Variants in ABCA10 observed in about 807,000 individuals in gnomAD.
ABCA10 encodes the protein ATP binding cassette subfamily A member 10.
Under a neutral mutation model 187.5 loss-of-function variants are expected in ABCA10, and 169 were observed. That is an observed-to-expected ratio of 0.90 (90% CI 0.80 to 1.02). ABCA10 has a LOEUF of 1.02. Ranked by LOEUF, ABCA10 falls within the 50% of genes least tolerant of loss-of-function variation. The pLI is 0.00. For synonymous variants in ABCA10, 574 were observed against 601.8 expected (o/e 0.95, Z 0.68); for missense variants, 1,727 against 1,812.4 (o/e 0.95, Z 0.86).
chr17:69,233,060 T>A (rs2074842123), upstream of ABCA10: 1 of 152,180 alleles, frequency 6.6e-6, no homozygotes, highest in African/African-American at 2.4e-5. Context: ...GGGTTGAATC[T>A]GATTGATTAG....
chr17:69,186,761 G>A (rs989292249), intron 19 of ABCA10, among the ~76,000 whole-genome samples: 4 of 152,060 alleles, frequency 2.6e-5, no homozygotes, highest in Non-Finnish European at 5.9e-5. Context: ...TCCAACTCCT[G>A]TCATCCCTCC....
intron 24 of ABCA10, 50 bp from the exon 25 acceptor site, chr17:69,174,444 G>C: frequency 2.0e-6 from 3 of 1,502,980 alleles, no homozygotes; most frequent in Non-Finnish European, 2.7e-6. Context: ...AGGTCATAGA[G>C]GGAAAGAGGA....
intron 14 of ABCA10, 116 bp downstream of exon 14, chr17:69,193,377 G>A (rs2144805200): frequency 6.7e-7 from 1 of 1,499,216 alleles, no homozygotes; most frequent in African/African-American, 1.4e-5. Flanking sequence ...AAGCTTGCAT[G>A]GTACTTTATT....
At chr17:69,239,454 C>A (rs2074891128) in intron 1 of ABCA10, among the ~76,000 whole-genome samples, 1 of 152,080 alleles carries the variant, frequency 6.6e-6, no homozygotes, top group Admixed American at 6.6e-5. Context: ...GTGTTGGCTA[C>A]AACAAAAAGT....
chr17:69,243,744 G>A (rs1159258162), intron 1 of ABCA10, among the ~76,000 whole-genome samples: 7 of 152,128 alleles, frequency 4.6e-5, no homozygotes, highest in Non-Finnish European at 8.8e-5. Context: ...CAAAAAATAC[G>A]AAAATTAGCT....
chr17:69,198,481 A>G (rs1568065518), intron 10 of ABCA10, among the ~76,000 whole-genome samples: 1 of 152,216 alleles, frequency 6.6e-6, no homozygotes, highest in Non-Finnish European at 1.5e-5. Context: ...CGAGGTTTGC[A>G]GCAGCTTCTC....
intron 23 of ABCA10, 60 bp from the exon 24 acceptor site, chr17:69,174,837 T>G: frequency 1.4e-6 from 2 of 1,392,374 alleles, no homozygotes; most frequent in Non-Finnish European, 1.9e-6. Context: ...TTTGTGGTTA[T>G]GTAAAAAAAA....
intron 17 of ABCA10, among the ~76,000 whole-genome samples, chr17:69,190,881 A>G (rs1025610133): frequency 2.6e-5 from 4 of 152,012 alleles, no homozygotes; most frequent in African/African-American, 7.2e-5. Flanking sequence ...TTTAAAAGAT[A>G]AAGTCTCATT....
intron 18 of ABCA10, among the ~76,000 whole-genome samples, chr17:69,189,956 CTTA>C (rs144566001): frequency 0.034 from 5,229 of 152,142 alleles, 122 homozygotes; most frequent in South Asian, 0.062. Flanking sequence ...TTTATTACTT[CTTA>C]TTAATACATT....
At chr17:69,230,563 C>A (rs1203327474), upstream of ABCA10, among the ~76,000 whole-genome samples, 2 of 152,080 alleles carry the variant, frequency 1.3e-5, no homozygotes, top group Admixed American at 1.3e-4. Flanking sequence ...CAGATTTAGG[C>A]TTATGCACAT....
chr17:69,164,131 G>A lies in ABCA10; in HGVS notation c.3306C>T (p.Asp1102=). The A allele has an allele frequency of 6.3e-7, 1 of 1,584,344 alleles. No individual in the cohort carries two copies. Among genetic ancestry groups the A allele is most frequent in the Non-Finnish European group, 8.5e-7 (1 of 1,170,026 alleles). Residue 1102 remains aspartate, a synonymous_variant, in exon 27 of 39, where the codon GAC becomes GAT. Coordinates refer to ENST00000690296, the MANE Select transcript of ABCA10 (RefSeq NM_001377321.1). ...CTTCATTTATTCTATTGTCCAGACT[G>A]TCCAAGTTTCTCATAAAGTCGAGCT... ...LIQLDFMRNL[D]SLDNRINEVN... is the part of the protein sequence containing the mutation.
intron 25 of ABCA10, among the ~76,000 whole-genome samples, chr17:69,171,324 A>G: frequency 6.6e-6 from 1 of 152,218 alleles, no homozygotes; most frequent in Non-Finnish European, 1.5e-5. Context: ...ATAGAACCAA[A>G]AAGAGTTTTG....
chr17:69,214,613 T>C (rs977840802), intron 9 of ABCA10, 91 bp downstream of exon 9: 9 of 1,158,032 alleles, frequency 7.8e-6, no homozygotes, highest in African/African-American at 1.6e-5. Flanking sequence ...CTATCAGAAA[T>C]GCTTCTTAAG....
At chr17:69,167,040 C>A (rs1598092230) in intron 25 of ABCA10, among the ~76,000 whole-genome samples, 2 of 152,222 alleles carry the variant, frequency 1.3e-5, no homozygotes, top group Non-Finnish European at 2.9e-5. Context: ...GGTTATACAA[C>A]AAGAAGGCCT....
intron 25 of ABCA10, among the ~76,000 whole-genome samples, chr17:69,173,218 C>T (rs1411696276): frequency 6.6e-6 from 1 of 152,130 alleles, no homozygotes; most frequent in Non-Finnish European, 1.5e-5. Flanking sequence ...TGTAGTACAA[C>T]CATTGATAAA....
chr17:69,213,395 G>A (rs986600021), intron 9 of ABCA10, among the ~76,000 whole-genome samples: 3 of 149,728 alleles, frequency 2.0e-5, no homozygotes, highest in Non-Finnish European at 4.5e-5. Flanking sequence ...GACCACTGTG[G>A]GCGACAGGTT....
At chr17:69,173,133 A>C (rs979573588) in intron 25 of ABCA10, among the ~76,000 whole-genome samples, 2 of 152,196 alleles carry the variant, frequency 1.3e-5, no homozygotes, top group Non-Finnish European at 2.9e-5. Context: ...TGGAATTAGA[A>C]GAGAAAAAAA....
intron 20 of ABCA10, among the ~76,000 whole-genome samples, chr17:69,184,849 A>ATG (rs139291537): frequency 0.011 from 1,649 of 144,144 alleles, 28 homozygotes; most frequent in African/African-American, 0.038. Context: ...ATATATGTAT[A>ATG]TGTGTGTGTG....
intron 1 of ABCA10, 81 bp downstream of exon 1, chr17:69,228,500 C>T (rs2074810213): frequency 1.3e-5 from 2 of 151,900 alleles, no homozygotes; most frequent in African/African-American, 4.8e-5. Context: ...AAATTTCAAT[C>T]AATATGTTTG....
Sources: allele counts gnomAD v4.1 joint callset (sites outside exome capture counted in the v4.1 genomes callset), GRCh38; gene constraint gnomAD v4.1.1; transcripts MANE v1.5; gene names NCBI Gene and HGNC (gene_info 2026-07-23, HGNC 2026-07-21).